AFF4: variants seen among roughly 807,000 people sequenced by gnomAD.
AFF4 encodes ALF transcription elongation factor 4.
A neutral mutation model predicts 124.8 loss-of-function variants in AFF4; 13 were observed. The ratio of observed to expected loss-of-function variants is 0.10; its 90% CI spans 0.07 to 0.17. The LOEUF (loss-of-function observed/expected upper bound fraction) is 0.17, where lower values mean the gene tolerates loss of function less well. Ranked by LOEUF, AFF4 falls within the 10% of genes least tolerant of loss-of-function variation. AFF4 has a pLI of 1.00. For synonymous variants in AFF4, 477 were observed against 496.1 expected, an observed-to-expected ratio of 0.96 and a Z score of 0.51; for missense variants, 1,092 against 1,403.8, an observed-to-expected ratio of 0.78 and a Z score of 3.55.
At chr5:132,881,640 G>A (rs539712951) in intron 20 of AFF4, among the ~76,000 whole-genome samples, 4 of 152,094 alleles carry the variant, frequency 2.6e-5, no homozygotes, top group East Asian at 3.9e-4. Context: ...TCAAACTTTC[G>A]GCTACCATCA....
chr5:132,918,558 AGGCTGAG>A (rs1760969043), intron 5 of AFF4, among the ~76,000 whole-genome samples: 1 of 151,876 alleles, frequency 6.6e-6, no homozygotes, highest in Non-Finnish European at 1.5e-5. Flanking sequence ...GCTACCTGGG[AGGCTGAG>A]GCAGGAGAAT....
intron 1 of AFF4, among the ~76,000 whole-genome samples, chr5:132,961,733 C>G (rs528445522): frequency 6.6e-6 from 1 of 152,214 alleles, no homozygotes; most frequent in South Asian, 2.1e-4. Flanking sequence ...TTTTCAGACA[C>G]CCCATCTTGT....
chr5:132,934,349 G>A lies in AFF4; in HGVS notation c.716C>T (p.Pro239Leu), dbSNP rs1033318863. The stretch of plus-strand genomic sequence containing the variant: ...ATTGGACTTTGACATCAATGAGGGT[G>A]GGAAAGATTGAGTTGAGTGCTGCCC... ...SSGQHSTQSF[P>L]PSLMSKSNSM... The change falls in exon 3 of 21, where the codon CCA (proline) becomes CTA (leucine). Residue 239 changes from proline to leucine, a missense_variant. Pro to Leu is a moderately conservative substitution (Grantham distance 98). This residue lies in a region of AFF4 where 188 missense variants were observed against 203.0 expected (regional missense o/e 0.93). Transcript: ENST00000265343. 3 of 1,614,032 alleles carry A rather than the reference G, an allele frequency of 1.9e-6. No individual in the cohort carries two copies. The highest frequency in any genetic ancestry group is 2.7e-5 in the African/African-American group (2 of 74,910).
intron 12 of AFF4, among the ~76,000 whole-genome samples, chr5:132,892,689 T>A (rs970234368): frequency 6.6e-6 from 1 of 152,142 alleles, no homozygotes; most frequent in African/African-American, 2.4e-5. Context: ...GAATGGTGAA[T>A]GAAGAGATTA....
intron 1 of AFF4, among the ~76,000 whole-genome samples, chr5:132,941,776 C>A (rs182293588): frequency 2.6e-5 from 4 of 152,036 alleles, no homozygotes; most frequent in South Asian, 2.1e-4. Flanking sequence ...AGGAGGCCAA[C>A]GAGGGCAGAT....
Position 132,934,948 on chromosome 5 carries a change from A to T in AFF4, c.124-7T>A, listed in dbSNP as rs1475873539. ...ACTTATCTTCTTTGCTAGTCTACAAAAAAATAAAATAAAATAAAATTATAA... is the reference window on the plus strand; with the variant it reads ...ACTTATCTTCTTTGCTAGTCTACAATAAAATAAAATAAAATAAAATTATAA... On this transcript the variant is annotated splice_polypyrimidine_tract_variant and splice_region_variant and intron_variant, in intron 2 of 20. Transcript: ENST00000265343. 6.6e-7 allele frequency: 1 copy of T among 1,512,822 alleles called. No homozygotes were observed. Among genetic ancestry groups the T allele is most frequent in the African/African-American group, 1.4e-5 (1 of 71,372 alleles). 93.7% of individuals were successfully genotyped at this position (1,512,822 alleles called of 1,614,324 possible). A position where few individuals can be genotyped will look rare whatever the true frequency, so the allele number is the denominator to read the frequency against.
At chr5:132,909,568 G>T (rs763728275) in intron 5 of AFF4, among the ~76,000 whole-genome samples, 1 of 152,110 alleles carries the variant, frequency 6.6e-6, no homozygotes, top group Non-Finnish European at 1.5e-5. Context: ...GTGTGAGATA[G>T]AGAGATTAAA....
intron 5 of AFF4, among the ~76,000 whole-genome samples, chr5:132,908,834 G>A (rs540612753): frequency 6.8e-6 from 1 of 147,144 alleles, no homozygotes; most frequent in South Asian, 2.1e-4. Flanking sequence ...GCAGTGGTGT[G>A]ATTTCGGCTC....
chr5:132,946,276 T>C (rs939126288), intron 1 of AFF4, among the ~76,000 whole-genome samples: 21 of 152,178 alleles, frequency 1.4e-4, no homozygotes, highest in African/African-American at 4.6e-4. Flanking sequence ...CTTTAACAAA[T>C]AATTACCATA....
chr5:132,900,347 A>G (rs1288033586), intron 7 of AFF4, among the ~76,000 whole-genome samples: 2 of 152,192 alleles, frequency 1.3e-5, no homozygotes, highest in South Asian at 4.1e-4. Context: ...ACCTGAAGTC[A>G]TGAGTTCGAG....
At chr5:132,946,753 T>C (rs989746354) in intron 1 of AFF4, among the ~76,000 whole-genome samples, 4 of 152,220 alleles carry the variant, frequency 2.6e-5, no homozygotes, top group Admixed American at 1.3e-4. Flanking sequence ...TGCCACTGAA[T>C]TGTATATGTA....
chr5:132,906,477 A>G (rs1342617272), intron 5 of AFF4, among the ~76,000 whole-genome samples: 1 of 152,228 alleles, frequency 6.6e-6, no homozygotes, highest in Non-Finnish European at 1.5e-5. Flanking sequence ...GATGAATCTT[A>G]AAAACATAAT....
At chr5:132,962,870 G>A in intron 1 of AFF4, among the ~76,000 whole-genome samples, 1 of 150,688 alleles carries the variant, frequency 6.6e-6, no homozygotes, top group Non-Finnish European at 1.5e-5. Context: ...GAAGGAAAGC[G>A]AGAACTAGCT....
intron 1 of AFF4, among the ~76,000 whole-genome samples, chr5:132,955,888 T>C (rs1454131062): frequency 6.8e-6 from 1 of 146,756 alleles, no homozygotes; most frequent in Non-Finnish European, 1.5e-5. Context: ...CATCAGAGTA[T>C]ATTATATATG....
intron 5 of AFF4, among the ~76,000 whole-genome samples, chr5:132,925,515 A>T (rs1388357810): frequency 1.3e-5 from 2 of 152,198 alleles, no homozygotes; most frequent in South Asian, 4.1e-4. Flanking sequence ...ATAAATTTTC[A>T]GCATGTATAA....
chr5:132,880,642 A>C lies in AFF4; in HGVS notation c.*417T>G, dbSNP rs1268380257. On this transcript the variant is annotated 3_prime_UTR_variant, in exon 21 of 21. Coordinates refer to ENST00000265343, the MANE Select transcript of AFF4 (RefSeq NM_014423.4). The stretch of plus-strand genomic sequence containing the variant: ...GGTAATAAAGCTCCCAAGGTATATA[A>C]ATAAAAATGTCTACATTAAATTTAT... 1 of 327,414 alleles carries C rather than the reference A, an allele frequency of 3.1e-6. No homozygotes were observed. The highest frequency in any genetic ancestry group is 2.1e-5 in the African/African-American group (1 of 47,502). The allele number at this position is 327,414 out of a possible 1,614,324, so 20.3% of individuals were successfully genotyped here.
At chr5:132,937,838 A>G (rs1003406190) in intron 1 of AFF4, 2 of 152,228 alleles carry the variant, frequency 1.3e-5, no homozygotes, top group African/African-American at 2.4e-5. Flanking sequence ...TCAAAAATTA[A>G]CTTGGATTAG....
chr5:132,933,734 C>T (rs1035360149), intron 3 of AFF4, among the ~76,000 whole-genome samples: 28 of 152,098 alleles, frequency 1.8e-4, no homozygotes, highest in Non-Finnish European at 3.7e-4. Context: ...CCCAAAAGTC[C>T]CATTTATCAT....
intron 2 of AFF4, among the ~76,000 whole-genome samples, 175 bp from the exon 3 acceptor site, chr5:132,935,116 G>GA (rs894985088): frequency 1.6e-4 from 24 of 149,116 alleles, no homozygotes; most frequent in Admixed American, 6.7e-4. Context: ...TTTCTGTAGT[G>GA]AAAAAAAAAA....
Sources: allele counts gnomAD v4.1 joint callset (sites outside exome capture counted in the v4.1 genomes callset), GRCh38; gene constraint gnomAD v4.1.1; regional missense constraint gnomAD v4.1.1; transcripts MANE v1.5; gene names NCBI Gene and HGNC (gene_info 2026-07-23, HGNC 2026-07-21).